LRP8: variants seen among roughly 807,000 people sequenced by gnomAD.
LRP8 encodes low-density lipoprotein receptor-related protein 8.
LRP8 carries 46 observed loss-of-function variants against 111.6 expected under a neutral mutation model. The observed-to-expected ratio is 0.41, with a 90% CI of 0.33 to 0.53. The LOEUF is 0.53. LRP8 is among the 20% of genes least tolerant of loss of function. The pLI is 0.20. For synonymous variants in LRP8, 464 were observed against 511.2 expected (o/e 0.91, Z 1.24); for missense variants, 959 against 1,297.4 (o/e 0.74, Z 4.01).
intron 18 of LRP8, 131 bp from the exon 19 acceptor site, chr1:53,247,187 C>T: frequency 1.6e-6 from 1 of 634,036 alleles, no homozygotes; most frequent in East Asian, 3.2e-5. Flanking sequence ...TCCTAAGAGA[C>T]AGGATTTATC....
chr1:53,315,636 C>G (rs774349211), intron 2 of LRP8, among the ~76,000 whole-genome samples: 1 of 151,926 alleles, frequency 6.6e-6, no homozygotes. Context: ...GGTAGGGGCC[C>G]GTCCTGGGGA....
chr1:53,257,322 G>GAC lies in LRP8; in HGVS notation c.2350_2351dup (p.Pro785SerfsTer18). The GAC allele has an allele frequency of 6.2e-7, 1 of 1,614,172 alleles. No individual in the cohort carries two copies. The highest frequency in any genetic ancestry group is 8.5e-7 in the Non-Finnish European group (1 of 1,180,026). On this transcript the variant is annotated frameshift_variant, in exon 15 of 19. Transcript: ENST00000306052. LOFTEE classifies it high-confidence loss of function. ...CCCTGGGGACACTAACTGAGCTTGGGACTGCAGCTGTCAGGCTTGGTGTCT... is the reference window on the plus strand; with the variant it reads ...CCCTGGGGACACTAACTGAGCTTGGGACACTGCAGCTGTCAGGCTTGGTGTCT...
intron 2 of LRP8, among the ~76,000 whole-genome samples, chr1:53,296,577 G>A (rs993730326): frequency 1.3e-5 from 2 of 152,236 alleles, no homozygotes; most frequent in African/African-American, 4.8e-5. Flanking sequence ...ATGCAGATCC[G>A]GGGTGGGGGC....
intron 3 of LRP8, among the ~76,000 whole-genome samples, chr1:53,281,097 T>C (rs1647092506): frequency 6.6e-6 from 1 of 152,146 alleles, no homozygotes; most frequent in Non-Finnish European, 1.5e-5. Flanking sequence ...TGTGTGCCCT[T>C]AGGTGAGATA....
intron 2 of LRP8, 78 bp downstream of exon 2, chr1:53,326,795 C>T: frequency 6.5e-7 from 1 of 1,530,338 alleles, no homozygotes; most frequent in Non-Finnish European, 8.8e-7. Context: ...GCGGCTGCAG[C>T]CACGTGCGCG....
At chr1:53,260,363 G>T in intron 13 of LRP8, 101 bp downstream of exon 13, 1 of 1,027,128 alleles carries the variant, frequency 9.7e-7, no homozygotes, top group Non-Finnish European at 1.5e-6. Flanking sequence ...TCCTGGGGTT[G>T]CTGAGTTGTG....
chr1:53,284,404 A>C (rs909041758), intron 3 of LRP8, among the ~76,000 whole-genome samples: 1 of 152,184 alleles, frequency 6.6e-6, no homozygotes, highest in Admixed American at 6.5e-5. Context: ...AGACCAAGTA[A>C]CTAGCCCAAA....
intron 2 of LRP8, among the ~76,000 whole-genome samples, chr1:53,321,246 G>A (rs760028035): frequency 6.6e-6 from 1 of 152,222 alleles, no homozygotes; most frequent in Non-Finnish European, 1.5e-5. Context: ...TGGAGGACAG[G>A]GGTCTAGAAA....
intron 6 of LRP8, among the ~76,000 whole-genome samples, chr1:53,273,986 A>AAAAAAG (rs1557783184): frequency 2.0e-5 from 3 of 151,982 alleles, no homozygotes; most frequent in Admixed American, 6.6e-5. Flanking sequence ...ACAAAAAAAA[A>AAAAAAG]CTCATGAACC....
Position 53,266,055 on chromosome 1 carries a change from C to T in LRP8, c.1427+418G>A, listed in dbSNP as rs1646542654. On this transcript the variant is annotated intron_variant, in intron 9 of 18. Transcript: ENST00000306052. The surrounding 1 kb of genome is among the most constrained non-coding windows in gnomAD (Gnocchi z 5.0). The stretch of plus-strand genomic sequence containing the variant: ...CCTCTGTACTTTCTCATGATCATCA[C>T]AAATGGATGTCACTGTGTTGTGAGT... Among the ~76,000 whole-genome samples, 1 of 141,514 alleles carries T rather than the reference C, an allele frequency of 7.1e-6. No homozygotes were observed. The highest frequency in any genetic ancestry group is 1.6e-5 in the Non-Finnish European group (1 of 63,072). The allele number at this position is 141,514 out of a possible 152,430, so 92.8% of individuals were successfully genotyped here.
chr1:53,305,971 GCACACATTCCT>G (rs1234751934), intron 2 of LRP8: 1 of 152,112 alleles, frequency 6.6e-6, no homozygotes, highest in Admixed American at 6.5e-5. Flanking sequence ...TGTCTGAGGC[GCACACATTCCT>G]CACTCTCTGG....
At chr1:53,290,289 C>T (rs1648458246) in intron 2 of LRP8, among the ~76,000 whole-genome samples, 1 of 128,602 alleles carries the variant, frequency 7.8e-6, no homozygotes, top group Non-Finnish European at 1.5e-5. Context: ...GGATCTCAAT[C>T]CCACTTCCTC....
chr1:53,327,271 C>A, intron 1 of LRP8: 1 of 470,684 alleles, frequency 2.1e-6, no homozygotes, highest in Non-Finnish European at 3.8e-6. Flanking sequence ...CACACGCGAC[C>A]CATAGTCAGA....
chr1:53,260,365 T>G, intron 13 of LRP8, 99 bp downstream of exon 13: 2 of 1,088,844 alleles, frequency 1.8e-6, no homozygotes, highest in Non-Finnish European at 2.7e-6. Flanking sequence ...CTGGGGTTGC[T>G]GAGTTGTGAC....
At chr1:53,255,361 G>C (rs1205821726) in intron 15 of LRP8, among the ~76,000 whole-genome samples, 176 bp from the exon 16 acceptor site, 3 of 152,138 alleles carry the variant, frequency 2.0e-5, no homozygotes, top group African/African-American at 7.2e-5. Flanking sequence ...TGTGAGGCAA[G>C]CAGGACAGAG....
At chr1:53,273,610 C>G (rs1001520653) in intron 6 of LRP8, among the ~76,000 whole-genome samples, 2 of 152,202 alleles carry the variant, frequency 1.3e-5, no homozygotes, top group African/African-American at 4.8e-5. Context: ...GTTGGGGGAG[C>G]TAGGCTCAGT....
Position 53,255,248 on chromosome 1 carries a change from C to G in LRP8, c.2435-63G>C, listed in dbSNP as rs1012388156. 5 of 1,472,236 alleles carry G rather than the reference C, an allele frequency of 3.4e-6. No homozygotes were observed. The African/African-American group carries it at 6.9e-5, about 20-fold the overall frequency. 91.2% of individuals were successfully genotyped at this position (1,472,236 alleles called of 1,614,324 possible). On this transcript the variant is annotated intron_variant, in intron 15 of 18. Coordinates refer to ENST00000306052, the MANE Select transcript of LRP8 (RefSeq NM_004631.5). Reference sequence around the variant, plus strand: ...ACTGTGTGTCCAAGCCCCTACTGGCCTCAAGTGGTAAGAACTACCCAACTG... The same window carrying G: ...ACTGTGTGTCCAAGCCCCTACTGGCGTCAAGTGGTAAGAACTACCCAACTG...
Position 53,275,489 on chromosome 1 carries a change from T to G in LRP8, c.1006+142A>C. ...AGGACCCCATGGAAAGGGAGCCAGG[T>G]GATTTAGGGGCAAGTGATGCTCTGG... On this transcript the variant is annotated intron_variant, in intron 6 of 18. Coordinates refer to ENST00000306052, the MANE Select transcript of LRP8 (RefSeq NM_004631.5). This position sits in a 1 kb window ranked among gnomAD's most constrained non-coding sequence, Gnocchi z 4.4. 2 of 1,107,490 alleles carry G rather than the reference T, an allele frequency of 1.8e-6. No individual in the cohort carries two copies. The highest frequency in any genetic ancestry group is 1.6e-5 in the African/African-American group (1 of 64,250). 68.6% of individuals were successfully genotyped at this position (1,107,490 alleles called of 1,614,324 possible).
rs1649260752 is a variant in LRP8 at position 53,294,133 on chromosome 1, G to A, written c.245-4444C>T. Reference sequence around the variant, plus strand: ...TTCCCCAGCTGGGCTCAAGGCCATGGCTCCCTGTTTCCAGGGATTTATGTC... The same window carrying A: ...TTCCCCAGCTGGGCTCAAGGCCATGACTCCCTGTTTCCAGGGATTTATGTC... On this transcript the variant is annotated intron_variant, in intron 2 of 18. Transcript: ENST00000306052. This position sits in a 1 kb window ranked among gnomAD's most constrained non-coding sequence, Gnocchi z 4.1. 6.6e-6 allele frequency among the ~76,000 whole-genome samples: 1 copy of A among 152,220 alleles called. No individual in the cohort carries two copies. Among genetic ancestry groups the A allele is most frequent in the African/African-American group, 2.4e-5 (1 of 41,454 alleles).
Sources: gnomAD v4.1 joint callset for allele counts (sites outside exome capture counted in the v4.1 genomes callset) on GRCh38, gnomAD v4.1.1 for gene constraint, Gnocchi (gnomAD v3.1) non-coding constraint, MANE v1.5 for transcripts, NCBI Gene and HGNC (gene_info 2026-07-23, HGNC 2026-07-21) for gene names.